The following RNF169 variants were observed in gnomAD, a reference collection of about 807,000 sequenced individuals.
RNF169 encodes the protein ring finger protein 169.
A neutral mutation model predicts 53.9 loss-of-function variants in RNF169; 24 were observed. That is an observed-to-expected ratio of 0.45 (90% CI 0.32 to 0.63). RNF169 has a LOEUF of 0.63. Among genes scored for constraint, RNF169 ranks in the 20% least tolerant of loss-of-function variants. The probability of loss-of-function intolerance (pLI) is 0.04; values close to 1 mark genes in which losing one functional copy is unlikely to be tolerated. For synonymous variants in RNF169, 396 were observed against 363.5 expected (o/e 1.09, Z -1.02); for missense variants, 883 against 906.2 (o/e 0.97, Z 0.33).
intron 4 of RNF169, among the ~76,000 whole-genome samples, chr11:74,823,099 A>G (rs2135135616): frequency 6.6e-6 from 1 of 152,282 alleles, no homozygotes; most frequent in Middle Eastern, 3.4e-3. Flanking sequence ...CAACAATAAT[A>G]TTATCTGGGT....
Position 74,836,809 on chromosome 11 carries a change from T to G in RNF169, c.*79T>G. The G allele has an allele frequency of 8.7e-7, 1 of 1,152,000 alleles. No individual in the cohort carries two copies. The highest frequency in any genetic ancestry group is 1.5e-5 in the African/African-American group (1 of 64,698). The allele number at this position is 1,152,000 out of a possible 1,614,324, so 71.4% of individuals were successfully genotyped here. A position where few individuals can be genotyped will look rare whatever the true frequency, so the allele number is the denominator to read the frequency against. ...CCTGAAGAGCTGAGTGTTCTCACTT[T>G]GGTTTTATTTTAATGGCAAAACACT... On this transcript the variant is annotated 3_prime_UTR_variant, in exon 6 of 6. Coordinates refer to ENST00000299563, the MANE Select transcript of RNF169 (RefSeq NM_001098638.2).
At chr11:74,770,599 T>G (rs1461049847) in intron 1 of RNF169, among the ~76,000 whole-genome samples, 1 of 152,214 alleles carries the variant, frequency 6.6e-6, no homozygotes, top group Non-Finnish European at 1.5e-5. Context: ...ATAATGTACA[T>G]GAGTATGTTT....
At chr11:74,797,943 T>C (rs1417951638) in intron 2 of RNF169, among the ~76,000 whole-genome samples, 1 of 152,228 alleles carries the variant, frequency 6.6e-6, no homozygotes, top group Non-Finnish European at 1.5e-5. Context: ...TTTACTGCAA[T>C]CTCTAAACAT....
chr11:74,793,815 G>A (rs544865343), intron 2 of RNF169, among the ~76,000 whole-genome samples: 8 of 151,926 alleles, frequency 5.3e-5, no homozygotes, highest in African/African-American at 7.3e-5. Context: ...GAAAAATAAC[G>A]CAAAAATGAT....
chr11:74,785,618 G>A (rs910652470), intron 1 of RNF169, among the ~76,000 whole-genome samples: 2 of 151,824 alleles, frequency 1.3e-5, no homozygotes, highest in African/African-American at 2.4e-5. Flanking sequence ...TTGAGCTTTT[G>A]GGCACGGTGT....
At chr11:74,766,423 G>GA (rs768361585) in intron 1 of RNF169, among the ~76,000 whole-genome samples, 5 of 152,274 alleles carry the variant, frequency 3.3e-5, no homozygotes, top group Non-Finnish European at 4.4e-5. Context: ...ATCCTGATTT[G>GA]AAAAAACTGT....
chr11:74,795,364 C>T (rs1387435301), intron 2 of RNF169, among the ~76,000 whole-genome samples: 1 of 151,654 alleles, frequency 6.6e-6, no homozygotes, highest in Non-Finnish European at 1.5e-5. Flanking sequence ...AGATTACAGG[C>T]ACATGCCACC....
chr11:74,756,940 C>G (rs749347914), intron 1 of RNF169, among the ~76,000 whole-genome samples: 92 of 152,174 alleles, frequency 6.0e-4, no homozygotes, highest in Non-Finnish European at 1.0e-3. Context: ...AGCAAGATGG[C>G]TAAAACTGAC....
At chr11:74,766,266 G>T (rs532862114) in intron 1 of RNF169, among the ~76,000 whole-genome samples, 1 of 152,154 alleles carries the variant, frequency 6.6e-6, no homozygotes, top group South Asian at 2.1e-4. Flanking sequence ...ATACCACCGC[G>T]TGGACACAAT....
At chr11:74,810,399 T>A (rs2035859463) in intron 3 of RNF169, 69 bp downstream of exon 3, 18 of 1,413,164 alleles carry the variant, frequency 1.3e-5, no homozygotes, top group Non-Finnish European at 1.8e-5. Flanking sequence ...GACCTGGACC[T>A]GAAAGACCTA....
rs2036541153 is a variant in RNF169, at chr11:74,841,515, A to G, written c.*4785A>G. 6.6e-6 allele frequency: 1 copy of G among 152,190 alleles called. No individual in the cohort carries two copies. Among genetic ancestry groups the G allele is most frequent in the Admixed American group, 6.5e-5 (1 of 15,274 alleles). 9.4% of individuals were successfully genotyped at this position (152,190 alleles called of 1,614,324 possible). A position where few individuals can be genotyped will look rare whatever the true frequency, so the allele number is the denominator to read the frequency against. The stretch of plus-strand genomic sequence containing the variant: ...GGATGTGCAGATTGTTCTATGTATT[A>G]TCAGTATTTTTTTCCTCTTAAGAAA... On this transcript the variant is annotated 3_prime_UTR_variant, in exon 6 of 6. Transcript: ENST00000299563.
chr11:74,824,297 A>G (rs2036061123), intron 4 of RNF169, among the ~76,000 whole-genome samples: 1 of 152,240 alleles, frequency 6.6e-6, no homozygotes, highest in African/African-American at 2.4e-5. Flanking sequence ...TAATTTGAAT[A>G]TAGGTCAATT....
At position 74,817,690 on chromosome 11, in the gene RNF169, C is replaced by T; in HGVS notation, c.818C>T (p.Ser273Phe). The change falls in exon 4 of 6, where the codon TCC becomes TTC. Residue 273 changes from serine to phenylalanine, a missense_variant. By Grantham distance (155) the Ser-to-Phe change is radical. This residue lies in a region of RNF169 where 219 missense variants were observed against 289.1 expected (regional missense o/e 0.76). Transcript: ENST00000299563. ...TCGGCATTTGTTTCCAAGAACAACT[C>T]CTACTCCTTAGCTTTCCTGGCAGGG... ...HRSAFVSKNN[S>F]YSLAFLAGKL... The T allele has an allele frequency of 6.2e-7, 1 of 1,611,928 alleles. No homozygotes were observed. Among genetic ancestry groups the T allele is most frequent in the Non-Finnish European group, 8.5e-7 (1 of 1,177,984 alleles).
At chr11:74,800,739 A>G (rs1246752494) in intron 2 of RNF169, among the ~76,000 whole-genome samples, 1 of 152,220 alleles carries the variant, frequency 6.6e-6, no homozygotes, top group Non-Finnish European at 1.5e-5. Context: ...ACTGATATGA[A>G]ACACAAATTA....
intron 3 of RNF169, among the ~76,000 whole-genome samples, chr11:74,813,444 TAATG>T (rs1459106510): frequency 6.6e-6 from 1 of 152,196 alleles, no homozygotes. Flanking sequence ...AATCCAATAA[TAATG>T]CGAATTATTA....
chr11:74,827,685 T>C (rs979971731), intron 4 of RNF169, among the ~76,000 whole-genome samples: 1 of 151,918 alleles, frequency 6.6e-6, no homozygotes, highest in African/African-American at 2.4e-5. Flanking sequence ...CGTAGGCAAA[T>C]CAATAAATGT....
At chr11:74,782,563 T>G (rs1314618819) in intron 1 of RNF169, among the ~76,000 whole-genome samples, 3 of 152,152 alleles carry the variant, frequency 2.0e-5, no homozygotes. Flanking sequence ...GTGGAAAAAC[T>G]GTCTTCCAGA....
chr11:74,784,953 T>C (rs989179478), intron 1 of RNF169, among the ~76,000 whole-genome samples: 3 of 152,104 alleles, frequency 2.0e-5, no homozygotes, highest in Admixed American at 2.0e-4. Flanking sequence ...TGCATATGCA[T>C]GCATGCAACA....
chr11:74,756,641 A>C (rs983807412), intron 1 of RNF169, among the ~76,000 whole-genome samples: 4 of 152,208 alleles, frequency 2.6e-5, no homozygotes, highest in Non-Finnish European at 5.9e-5. Flanking sequence ...AGGTCAGAAT[A>C]AAGATGAGAG....
Sources: gnomAD v4.1 joint callset for allele counts (sites outside exome capture counted in the v4.1 genomes callset) on GRCh38, gnomAD v4.1.1 for gene constraint, gnomAD v4.1.1 regional missense constraint, MANE v1.5 for transcripts, NCBI Gene and HGNC (gene_info 2026-07-23, HGNC 2026-07-21) for gene names.